Variants in PCDHGA3 observed in about 807,000 individuals in gnomAD.
PCDHGA3 encodes the protein protocadherin gamma-A3.
Under a neutral mutation model 58.5 loss-of-function variants are expected in PCDHGA3, and 40 were observed. The observed-to-expected ratio is 0.68, with a 90% CI of 0.53 to 0.89. The LOEUF is 0.89. PCDHGA3 is among the 40% of genes least tolerant of loss of function. The pLI is 0.00. For missense variants in PCDHGA3, 1,223 were observed against 1,195.9 expected (o/e 1.02, Z -0.33); for synonymous variants, 530 against 525.7 (o/e 1.01, Z -0.11).
In PCDHGA3 at chr5:141,449,878, A is replaced by G. The variant is rs536474516; in HGVS notation, c.2425-44929A>G. On this transcript the variant is annotated intron_variant, in intron 1 of 3. Transcript: ENST00000253812. ...ATAAAAATCAGAAAATTTAACATCA[A>G]TGCAATATAATTATTTAGCCTATAG... 6.6e-4 allele frequency among the ~76,000 whole-genome samples: 100 copies of G among 152,050 alleles called. 1 individual carries two copies. The highest frequency in any genetic ancestry group is 2.4e-3 in the African/African-American group (99 of 41,574).
intron 1 of PCDHGA3, chr5:141,430,828 G>C (rs760402028): frequency 1.3e-6 from 2 of 1,554,030 alleles, no homozygotes; most frequent in East Asian, 2.2e-5. Context: ...TGGGGACTCT[G>C]TGGGAGACCG....
chr5:141,413,756 A>G, intron 1 of PCDHGA3: 1 of 1,613,042 alleles, frequency 6.2e-7, no homozygotes, highest in South Asian at 1.1e-5. Context: ...AATGGCGTCA[A>G]GTACCCGGAG....
In PCDHGA3 at chr5:141,345,639, G is replaced by A. The variant is rs764564541; in HGVS notation, c.1606G>A (p.Asp536Asn). The A allele has an allele frequency of 2.5e-6, 4 of 1,614,180 alleles. No homozygotes were observed. In the East Asian group the frequency reaches 6.7e-5, roughly 27 times the overall value. The change falls in exon 1 of 4, where the codon GAC (aspartate) becomes AAC (asparagine). Residue 536 changes from aspartate (D) to asparagine (N), a missense_variant. Transcript: ENST00000253812. ...RDLKLLVTAS[D>N]SGNPPLSSNV... is the part of the protein sequence containing the mutation. ...CTTAAAGCTACTGGTGACAGCCAGC[G>A]ACAGCGGGAACCCTCCACTCAGCAG...
chr5:141,468,463 T>G (rs574151637), intron 1 of PCDHGA3: 6 of 152,282 alleles, frequency 3.9e-5, no homozygotes, highest in African/African-American at 1.4e-4. Flanking sequence ...AGCAAGTTAT[T>G]TCTGAGGAGA....
In PCDHGA3 at chr5:141,477,406, A is replaced by G. The variant is rs1004061582; in HGVS notation, c.2425-17401A>G. The G allele has an allele frequency of 6.2e-7, 1 of 1,614,154 alleles. No individual in the cohort carries two copies. Among genetic ancestry groups the G allele is most frequent in the Non-Finnish European group, 8.5e-7 (1 of 1,180,040 alleles). The stretch of plus-strand genomic sequence containing the variant: ...AATACAACCTCAGCATCACCGCCCG[A>G]GACGCCGGAACCCCTTCCCTCTCAG... On this transcript the variant is annotated intron_variant, in intron 1 of 3. Transcript: ENST00000253812. The surrounding 1 kb of genome is among the most constrained non-coding windows in gnomAD (Gnocchi z 4.9).
rs777537045 is a variant in PCDHGA3 at position 141,490,191 on chromosome 5, A to T, written c.2425-4616A>T. The T allele has an allele frequency of 6.2e-7, 1 of 1,614,176 alleles. No homozygotes were observed. The highest frequency in any genetic ancestry group is 1.1e-5 in the South Asian group (1 of 91,082). On this transcript the variant is annotated intron_variant, in intron 1 of 3. Coordinates refer to ENST00000253812, the MANE Select transcript of PCDHGA3 (RefSeq NM_018916.4). The surrounding 1 kb of genome is among the most constrained non-coding windows in gnomAD (Gnocchi z 5.4). ...ACTTTGAGGAGTCACGTTTCTATGA[A>T]ATTCATGCAAGAGCCCGTGACCAGG...
intron 1 of PCDHGA3, chr5:141,415,059 C>A: frequency 1.2e-6 from 2 of 1,613,396 alleles, no homozygotes; most frequent in Non-Finnish European, 1.7e-6. Flanking sequence ...AGCACACGGG[C>A]GAGGTGCGCA....
chr5:141,347,936 C>G (rs1420340370), intron 1 of PCDHGA3, among the ~76,000 whole-genome samples: 1 of 152,092 alleles, frequency 6.6e-6, no homozygotes, highest in Admixed American at 6.5e-5. Context: ...TATTATGAGC[C>G]TTGGAGTGGT....
Position 141,344,789 on chromosome 5 carries a change from G to A in PCDHGA3, c.756G>A (p.Trp252Ter), listed in dbSNP as rs1757471687. 1.2e-6 allele frequency: 2 copies of A among 1,613,948 alleles called. No homozygotes were observed. The highest frequency in any genetic ancestry group is 1.7e-6 in the Non-Finnish European group (2 of 1,179,892). The change falls in exon 1 of 4, where the codon TGG (tryptophan) becomes TGA (stop). Residue 252 changes from tryptophan (W) to a stop codon, truncating the protein, a stop_gained. Transcript: ENST00000253812. LOFTEE classifies it high-confidence loss of function. ...AGCCTGAGTACCGTGTGAGTGTTTGGGAGAACGTGCCTGTGGGTACCCGGC... is the reference window on the plus strand; with the variant it reads ...AGCCTGAGTACCGTGTGAGTGTTTGAGAGAACGTGCCTGTGGGTACCCGGC... ...FTQPEYRVSV[W>*]ENVPVGTRLL...
In PCDHGA3 at chr5:141,430,181, T is replaced by A. The variant is rs561671481; in HGVS notation, c.2425-64626T>A. ...TCTATTTAAAAATATTTTCCCCAAA[T>A]TATAGCTGAATCAGAAAGTTTAAAT... On this transcript the variant is annotated intron_variant, in intron 1 of 3. Transcript: ENST00000253812. 2.0e-5 allele frequency among the ~76,000 whole-genome samples: 3 copies of A among 152,252 alleles called. No homozygotes were observed. The South Asian group carries it at 6.2e-4, about 32-fold the overall frequency.
intron 1 of PCDHGA3, chr5:141,430,836 C>T: frequency 6.4e-7 from 1 of 1,558,936 alleles, no homozygotes; most frequent in South Asian, 1.2e-5. Context: ...CTGTGGGAGA[C>T]CGGATGCACC....
intron 2 of PCDHGA3, among the ~76,000 whole-genome samples, chr5:141,502,404 C>G (rs1270930372): frequency 6.6e-6 from 1 of 151,880 alleles, no homozygotes; most frequent in African/African-American, 2.4e-5. Context: ...TGTCCCCGAA[C>G]CTGGATTTGC....
intron 1 of PCDHGA3, chr5:141,374,182 C>T (rs1262335911): frequency 1.9e-6 from 3 of 1,613,736 alleles, no homozygotes; most frequent in Middle Eastern, 1.6e-4. Flanking sequence ...AGATCCGCTA[C>T]TCTATTCCCG....
chr5:141,511,560 TC>T lies in PCDHGA3; in HGVS notation c.*390del. ...CCACCCCACTCCAACAGTTCCTCTT[TC>T]CCGAGTAAGGTGGTTGGGGTGTTGA... On this transcript the variant is annotated 3_prime_UTR_variant, in exon 4 of 4. Transcript: ENST00000253812. 3.3e-6 allele frequency: 1 copy of T among 298,990 alleles called. No individual in the cohort carries two copies. The highest frequency in any genetic ancestry group is 3.7e-5 in the South Asian group (1 of 27,250). The allele number at this position is 298,990 out of a possible 1,614,324, so 18.5% of individuals were successfully genotyped here. A position where few individuals can be genotyped will look rare whatever the true frequency, so the allele number is the denominator to read the frequency against.
intron 1 of PCDHGA3, among the ~76,000 whole-genome samples, chr5:141,381,312 A>G (rs1365514844): frequency 1.3e-5 from 2 of 152,240 alleles, no homozygotes; most frequent in African/African-American, 4.8e-5. Flanking sequence ...ATTCTCTTTT[A>G]TTCTGCAACT....
At chr5:141,422,280 C>A in intron 1 of PCDHGA3, 1 of 1,557,754 alleles carries the variant, frequency 6.4e-7, no homozygotes, top group Non-Finnish European at 8.6e-7. Context: ...TAACTATCAC[C>A]TCTTCTATTA....
At position 141,385,580 on chromosome 5, in the gene PCDHGA3, A is replaced by G. The variant is rs2090291043; in HGVS notation, c.2424+39123A>G. On this transcript the variant is annotated intron_variant, in intron 1 of 3. Transcript: ENST00000253812. Reference sequence around the variant, plus strand: ...ATAATTTCCACCTACTTTCCAATCTATGTTCCAACCTACTTTCTTAACTCA... The same window carrying G: ...ATAATTTCCACCTACTTTCCAATCTGTGTTCCAACCTACTTTCTTAACTCA... The G allele has an allele frequency of 4.7e-6, 6 of 1,280,456 alleles. No individual in the cohort carries two copies. The South Asian group carries it at 1.2e-4, about 25-fold the overall frequency. The allele number at this position is 1,280,456 out of a possible 1,614,324, so 79.3% of individuals were successfully genotyped here.
At chr5:141,406,497 G>A (rs918411920) in intron 1 of PCDHGA3, among the ~76,000 whole-genome samples, 2 of 152,200 alleles carry the variant, frequency 1.3e-5, no homozygotes, top group African/African-American at 4.8e-5. Context: ...TCACAAGTGT[G>A]TAAAGTCTGT....
Position 141,491,508 on chromosome 5 carries a change from G to A in PCDHGA3, c.2425-3299G>A. The A allele has an allele frequency of 6.2e-7, 1 of 1,614,030 alleles. No individual in the cohort carries two copies. The highest frequency in any genetic ancestry group is 8.5e-7 in the Non-Finnish European group (1 of 1,180,014). The stretch of plus-strand genomic sequence containing the variant: ...ACCTGCAGGTGAGCTCGGACGGCAC[G>A]CTCAAGTACATGGAGGTGACGCTGC... On this transcript the variant is annotated intron_variant, in intron 1 of 3. Transcript: ENST00000253812. This position sits in a 1 kb window ranked among gnomAD's most constrained non-coding sequence, Gnocchi z 6.9.
Sources: allele counts gnomAD v4.1 joint callset (sites outside exome capture counted in the v4.1 genomes callset), GRCh38; gene constraint gnomAD v4.1.1; non-coding constraint Gnocchi (gnomAD v3.1); transcripts MANE v1.5; gene names NCBI Gene and HGNC (gene_info 2026-07-23, HGNC 2026-07-21).